The following SPAG16 variants were observed in gnomAD, a reference collection of about 807,000 sequenced individuals.
SPAG16 encodes the protein sperm-associated antigen 16 protein.
SPAG16 carries 86 observed loss-of-function variants against 80.4 expected under a neutral mutation model. The observed-to-expected ratio is 1.07, with a 90% CI of 0.90 to 1.28. SPAG16 has a LOEUF of 1.28. Ranked by LOEUF, SPAG16 falls within the 50% of genes most tolerant of loss-of-function variation. SPAG16 has a pLI of 0.00. For missense variants in SPAG16, 870 were observed against 765.3 expected (o/e 1.14, Z -1.61); for synonymous variants, 294 against 265.9 (o/e 1.11, Z -1.03).
At chr2:213,407,635 G>GAC (rs1559100936) in intron 9 of SPAG16, among the ~76,000 whole-genome samples, 1 of 81,992 alleles carries the variant, frequency 1.2e-5, no homozygotes, top group African/African-American at 3.5e-5. Context: ...GAGAGAGAGA[G>GAC]AGAGACAGAC....
intron 9 of SPAG16, among the ~76,000 whole-genome samples, chr2:213,416,558 T>TTG (rs1559111395): frequency 6.6e-6 from 1 of 152,158 alleles, no homozygotes; most frequent in African/African-American, 2.4e-5. Context: ...TTTTTCTTTT[T>TTG]TTGTTACACC....
intron 10 of SPAG16, among the ~76,000 whole-genome samples, chr2:213,584,269 C>T (rs1009844435): frequency 6.6e-6 from 1 of 151,458 alleles, no homozygotes; most frequent in African/African-American, 2.4e-5. Flanking sequence ...TTTAAAATGT[C>T]TTGAATGAGG....
At chr2:213,553,047 G>T (rs922359274) in intron 10 of SPAG16, among the ~76,000 whole-genome samples, 1 of 152,150 alleles carries the variant, frequency 6.6e-6, no homozygotes, top group African/African-American at 2.4e-5. Flanking sequence ...TTGCTCCTCA[G>T]CTTGAAGACA....
intron 13 of SPAG16, among the ~76,000 whole-genome samples, chr2:214,105,427 A>G (rs969609490): frequency 3.3e-5 from 5 of 152,182 alleles, no homozygotes; most frequent in African/African-American, 7.2e-5. Context: ...TAACAAAGCT[A>G]TAGGTTAAAT....
intron 12 of SPAG16, among the ~76,000 whole-genome samples, chr2:213,956,528 A>G: frequency 6.7e-6 from 1 of 148,386 alleles, no homozygotes; most frequent in East Asian, 2.0e-4. Flanking sequence ...GCTCACTGCA[A>G]CCGCCGCCTC....
chr2:213,325,497 G>A (rs1411520320), intron 5 of SPAG16, among the ~76,000 whole-genome samples: 1 of 151,784 alleles, frequency 6.6e-6, no homozygotes. Flanking sequence ...AATTTCTTTG[G>A]CACTTTTATT....
intron 10 of SPAG16, among the ~76,000 whole-genome samples, chr2:213,515,502 A>G (rs181059487): frequency 1.1e-4 from 17 of 152,314 alleles, no homozygotes; most frequent in African/African-American, 3.6e-4. Flanking sequence ...ATGCGAGCAT[A>G]AAGTATGTGA....
intron 14 of SPAG16, among the ~76,000 whole-genome samples, chr2:214,111,631 GA>G (rs1288092406): frequency 6.6e-6 from 1 of 151,844 alleles, no homozygotes; most frequent in Non-Finnish European, 1.5e-5. Context: ...TTTGGTTCCT[GA>G]ACTTTAAAGT....
chr2:213,840,791 T>C (rs2074324811), intron 10 of SPAG16, among the ~76,000 whole-genome samples: 1 of 152,142 alleles, frequency 6.6e-6, no homozygotes, highest in Non-Finnish European at 1.5e-5. Flanking sequence ...CTAGTGACAA[T>C]GGAAGCAGAA....
chr2:214,153,633 C>A (rs575377460), intron 15 of SPAG16, among the ~76,000 whole-genome samples: 1 of 152,054 alleles, frequency 6.6e-6, no homozygotes, highest in East Asian at 1.9e-4. Context: ...AAGAAAGATG[C>A]TTGAGGCTGG....
At chr2:213,756,888 T>A (rs1457199591) in intron 10 of SPAG16, among the ~76,000 whole-genome samples, 2 of 152,240 alleles carry the variant, frequency 1.3e-5, no homozygotes, top group African/African-American at 4.8e-5. Flanking sequence ...ATAGCTTTTT[T>A]AAAGAAGTGT....
At chr2:214,203,833 C>T (rs548951327) in intron 15 of SPAG16, among the ~76,000 whole-genome samples, 5 of 152,242 alleles carry the variant, frequency 3.3e-5, no homozygotes, top group African/African-American at 4.8e-5. Context: ...GAGAAGGGGG[C>T]GAATCAGGGG....
intron 15 of SPAG16, among the ~76,000 whole-genome samples, chr2:214,164,931 A>G (rs960875597): frequency 3.3e-5 from 5 of 152,132 alleles, no homozygotes; most frequent in African/African-American, 1.2e-4. Flanking sequence ...AAAATTTTGT[A>G]AACTACTCTT....
chr2:213,340,062 A>G (rs1021322015), intron 5 of SPAG16, 101 bp from the exon 6 acceptor site: 3 of 702,274 alleles, frequency 4.3e-6, no homozygotes, highest in Middle Eastern at 3.5e-4. Context: ...TTGTTTTCCT[A>G]TTATCTTTTG....
chr2:213,932,832 T>C (rs1198998255), intron 12 of SPAG16, among the ~76,000 whole-genome samples: 1 of 152,182 alleles, frequency 6.6e-6, no homozygotes, highest in East Asian at 1.9e-4. Context: ...TGACACTCAG[T>C]CTGAATAATT....
chr2:213,360,669 A>G (rs547159226), intron 7 of SPAG16, among the ~76,000 whole-genome samples: 64 of 152,338 alleles, frequency 4.2e-4, no homozygotes, highest in African/African-American at 1.3e-3. Flanking sequence ...GTGTACAGGC[A>G]TAGATTAGCC....
intron 13 of SPAG16, among the ~76,000 whole-genome samples, chr2:214,019,091 A>G (rs78795062): frequency 7.1e-6 from 1 of 141,084 alleles, no homozygotes; most frequent in East Asian, 2.1e-4. Context: ...ATTTTATTAA[A>G]ATTGAAAGAT....
intron 10 of SPAG16, among the ~76,000 whole-genome samples, chr2:213,543,764 A>T (rs1240665343): frequency 1.3e-5 from 2 of 152,050 alleles, no homozygotes; most frequent in African/African-American, 4.8e-5. Flanking sequence ...ATCAAAATTG[A>T]CATAAACTCT....
intron 15 of SPAG16, among the ~76,000 whole-genome samples, chr2:214,175,276 TAAAG>T (rs1005770978): frequency 2.1e-5 from 3 of 145,792 alleles, no homozygotes; most frequent in African/African-American, 4.9e-5. Context: ...TGTATATATA[TAAAG>T]AAATGTGTAT....
Sources: allele counts gnomAD v4.1 joint callset (sites outside exome capture counted in the v4.1 genomes callset), GRCh38; gene constraint gnomAD v4.1.1; transcripts MANE v1.5; gene names NCBI Gene and HGNC (gene_info 2026-07-23, HGNC 2026-07-21).